The following SH3BP2 variants were observed in gnomAD, a reference collection of about 807,000 sequenced individuals.
The protein encoded by SH3BP2 is SH3 domain binding protein 2.
A neutral mutation model predicts 56.2 loss-of-function variants in SH3BP2; 38 were observed. The ratio of observed to expected loss-of-function variants is 0.68; its 90% CI spans 0.52 to 0.89. The LOEUF is 0.89. SH3BP2 is among the 40% of genes least tolerant of loss of function. The pLI is 0.00. For missense variants in SH3BP2, 748 were observed against 762.6 expected (o/e 0.98, Z 0.23); for synonymous variants, 346 against 316.7 (o/e 1.09, Z -0.98).
At chr4:2,799,739 C>T (rs1448772437) in intron 1 of SH3BP2, among the ~76,000 whole-genome samples, 1 of 152,210 alleles carries the variant, frequency 6.6e-6, no homozygotes, top group East Asian at 1.9e-4. Flanking sequence ...CCTGGCCCTT[C>T]CAGTACGAAG....
At chr4:2,799,918 G>T (rs1271509056) in intron 1 of SH3BP2, among the ~76,000 whole-genome samples, 1 of 152,202 alleles carries the variant, frequency 6.6e-6, no homozygotes, top group Non-Finnish European at 1.5e-5. Flanking sequence ...CGAGGGCCTG[G>T]TGGGGCTTCC....
At chr4:2,804,593 G>A (rs1723451928) in intron 1 of SH3BP2, among the ~76,000 whole-genome samples, 1 of 152,184 alleles carries the variant, frequency 6.6e-6, no homozygotes. Flanking sequence ...ACCCCACATG[G>A]CGTGGCCCAC....
rs762177276 is a variant in SH3BP2 at position 2,829,955 on chromosome 4, C to A, written c.1049C>A (p.Pro350Gln). ...SPRGPPTSEP[P>Q]PVPANKPKFL... The stretch of plus-strand genomic sequence containing the variant: ...CGAGGACCACCCACATCTGAGCCCC[C>A]ACCTGTGCCAGCCAACAAGCCCAAG... The change falls in exon 8 of 13, where the codon CCA (proline) becomes CAA (glutamine). Residue 350 changes from proline (P) to glutamine (Q), a missense_variant. This residue lies in a region of SH3BP2 where 635 missense variants were observed against 615.0 expected (regional missense o/e 1.03). Transcript: ENST00000503393. The surrounding 1 kb of genome is among the most constrained non-coding windows in gnomAD (Gnocchi z 4.9). 6.8e-6 allele frequency: 11 copies of A among 1,613,446 alleles called. No individual in the cohort carries two copies. Among genetic ancestry groups the A allele is most frequent in the East Asian group, 2.2e-5 (1 of 44,898 alleles).
Position 2,810,231 on chromosome 4 carries a change from T to C in SH3BP2, c.-4-10383T>C, listed in dbSNP as rs1040108695. Among the ~76,000 whole-genome samples, 1 of 151,936 alleles carries C rather than the reference T, an allele frequency of 6.6e-6. No individual in the cohort carries two copies. The highest frequency in any genetic ancestry group is 6.5e-5 in the Admixed American group (1 of 15,270). On this transcript the variant is annotated intron_variant, in intron 1 of 12. Coordinates refer to ENST00000503393, the MANE Select transcript of SH3BP2 (RefSeq NM_001122681.2). This position sits in a 1 kb window ranked among gnomAD's most constrained non-coding sequence, Gnocchi z 4.2. ...CAGCTCCAGCTTCCCTCTGGGAAGATAGGGTTGGGGAAGGGGCTGGTGTGG... is the reference window on the plus strand; with the variant it reads ...CAGCTCCAGCTTCCCTCTGGGAAGACAGGGTTGGGGAAGGGGCTGGTGTGG...
intron 1 of SH3BP2, among the ~76,000 whole-genome samples, chr4:2,797,988 A>G (rs756739476): frequency 1.3e-5 from 2 of 152,168 alleles, no homozygotes; most frequent in Non-Finnish European, 2.9e-5. Flanking sequence ...GGAGTTTCCA[A>G]TCAGATAATA....
At chr4:2,824,546 G>T (rs1001886551) in intron 3 of SH3BP2, 67 bp from the exon 4 acceptor site, 10 of 1,161,992 alleles carry the variant, frequency 8.6e-6, no homozygotes, top group Admixed American at 1.7e-5. Flanking sequence ...GTTCACAGGG[G>T]GGTGCTGTGG....
At chr4:2,815,852 T>C (rs1723971075) in intron 1 of SH3BP2, among the ~76,000 whole-genome samples, 1 of 152,068 alleles carries the variant, frequency 6.6e-6, no homozygotes, top group Admixed American at 6.5e-5. Context: ...CCAACTAGTG[T>C]GGTCAGTGTT....
chr4:2,809,708 G>A (rs1723669733), intron 1 of SH3BP2: 1 of 824,592 alleles, frequency 1.2e-6, no homozygotes, highest in Non-Finnish European at 1.5e-6. Flanking sequence ...TGTGCTGGGT[G>A]TTTGCCTTAC....
chr4:2,831,849 T>C lies in SH3BP2; in HGVS notation c.1351-74T>C. On this transcript the variant is annotated intron_variant, in intron 9 of 12. Coordinates refer to ENST00000503393, the MANE Select transcript of SH3BP2 (RefSeq NM_001122681.2). This position sits in a 1 kb window ranked among gnomAD's most constrained non-coding sequence, Gnocchi z 4.1. ...TAAAGCCCCGGATCCCGGCACCGGG[T>C]GGCCACCGTCCGGGGAGTGGTGGTG... 1 of 1,522,488 alleles carries C rather than the reference T, an allele frequency of 6.6e-7. No homozygotes were observed. Among genetic ancestry groups the C allele is most frequent in the South Asian group, 1.1e-5 (1 of 88,098 alleles). The allele number at this position is 1,522,488 out of a possible 1,614,324, so 94.3% of individuals were successfully genotyped here.
At chr4:2,832,708 G>A (rs1305669206) in intron 11 of SH3BP2, among the ~76,000 whole-genome samples, 1 of 152,226 alleles carries the variant, frequency 6.6e-6, no homozygotes, top group African/African-American at 2.4e-5. Flanking sequence ...GTCTGCCCGT[G>A]TCCCTCCGAG....
Position 2,836,789 on chromosome 4 carries a change from G to C in SH3BP2, c.*2955G>C, listed in dbSNP as rs1365587693. ...TGAGGGTGGGCTGGCAGGAGGCCTA[G>C]GCCTTGCCCTAGGGGCAGTCCTGCT... On this transcript the variant is annotated 3_prime_UTR_variant, in exon 13 of 13. Transcript: ENST00000503393. 1 of 152,276 alleles carries C rather than the reference G, an allele frequency of 6.6e-6. No individual in the cohort carries two copies. Among genetic ancestry groups the C allele is most frequent in the Non-Finnish European group, 1.5e-5 (1 of 68,068 alleles). 9.4% of individuals were successfully genotyped at this position (152,276 alleles called of 1,614,324 possible).
chr4:2,822,641 G>T (rs553499713), intron 2 of SH3BP2, among the ~76,000 whole-genome samples: 45 of 152,354 alleles, frequency 3.0e-4, no homozygotes, highest in African/African-American at 1.1e-3. Context: ...GCTCTGCCTT[G>T]CCTCATGCTG....
chr4:2,828,907 C>A (rs1452458245), intron 7 of SH3BP2, among the ~76,000 whole-genome samples: 1 of 152,196 alleles, frequency 6.6e-6, no homozygotes, highest in Non-Finnish European at 1.5e-5. Flanking sequence ...CCTGTGCTGG[C>A]CCCATGAGGG....
In SH3BP2 at chr4:2,812,489, G is replaced by A. The variant is rs192845507; in HGVS notation, c.-4-8125G>A. 1.4e-5 allele frequency: 22 copies of A among 1,548,378 alleles called. 1 individual carries two copies. The Middle Eastern group carries it at 6.7e-4, about 47-fold the overall frequency. ...GTCAGCACCATCAGGTCAGTGGGGC[G>A]GCCCCAGGACTGGGGCTCGGGAGGC... On this transcript the variant is annotated intron_variant, in intron 1 of 12. Coordinates refer to ENST00000503393, the MANE Select transcript of SH3BP2 (RefSeq NM_001122681.2).
chr4:2,824,857 G>A lies in SH3BP2; in HGVS notation c.357+127G>A, dbSNP rs1030169917. ...CCTCTCAGCCCCGGGCAAAGAGAAG[G>A]TGTGGCTGGGACACAGGCAGCTGGG... On this transcript the variant is annotated intron_variant, in intron 4 of 12. Transcript: ENST00000503393. The A allele has an allele frequency of 8.0e-5, 62 of 776,070 alleles. No individual in the cohort carries two copies. The Admixed American group carries it at 8.2e-4, about 10-fold the overall frequency. The allele number at this position is 776,070 out of a possible 1,614,324, so 48.1% of individuals were successfully genotyped here.
At chr4:2,823,095 G>C in intron 3 of SH3BP2, 58 bp downstream of exon 3, 1 of 1,272,190 alleles carries the variant, frequency 7.9e-7, no homozygotes, top group Non-Finnish European at 1.1e-6. Context: ...GTCCCTCCCA[G>C]CAGAGCCCCA....
intron 3 of SH3BP2, 25 bp from the exon 4 acceptor site, chr4:2,824,588 G>A (rs768387703): frequency 2.3e-5 from 37 of 1,575,814 alleles, no homozygotes; most frequent in Non-Finnish European, 2.9e-5. Context: ...GAACCAGGCC[G>A]TGACCCCTGG....
rs574115504 is a variant in SH3BP2 at position 2,831,375 on chromosome 4, G to T, written c.1242-196G>T. ...CCCTGACCCCTGACTCCGGTGTCGG[G>T]CGATTCCTGCTGTCCCAGGGCAGTC... On this transcript the variant is annotated intron_variant, in intron 8 of 12. Coordinates refer to ENST00000503393, the MANE Select transcript of SH3BP2 (RefSeq NM_001122681.2). The surrounding 1 kb of genome is among the most constrained non-coding windows in gnomAD (Gnocchi z 4.1). Among the ~76,000 whole-genome samples the T allele has an allele frequency of 6.6e-6, 1 of 152,296 alleles. No homozygotes were observed. The highest frequency in any genetic ancestry group is 2.4e-5 in the African/African-American group (1 of 41,560).
chr4:2,835,229 C>T lies in SH3BP2; in HGVS notation c.*1395C>T, dbSNP rs890378564. ...ACTGGGGGAGAAGGTCCTGCAGCCC[C>T]CTTCCCCTGGGTGTGTTCTGGGGAC... On this transcript the variant is annotated 3_prime_UTR_variant, in exon 13 of 13. Coordinates refer to ENST00000503393, the MANE Select transcript of SH3BP2 (RefSeq NM_001122681.2). 1 of 152,270 alleles carries T rather than the reference C, an allele frequency of 6.6e-6. No individual in the cohort carries two copies. The highest frequency in any genetic ancestry group is 1.5e-5 in the Non-Finnish European group (1 of 68,128). 9.4% of individuals were successfully genotyped at this position (152,270 alleles called of 1,614,324 possible). A position where few individuals can be genotyped will look rare whatever the true frequency, so the allele number is the denominator to read the frequency against.
Sources: gnomAD v4.1 joint callset for allele counts (sites outside exome capture counted in the v4.1 genomes callset) on GRCh38, gnomAD v4.1.1 for gene constraint, gnomAD v4.1.1 regional missense constraint, Gnocchi (gnomAD v3.1) non-coding constraint, MANE v1.5 for transcripts, NCBI Gene and HGNC (gene_info 2026-07-23, HGNC 2026-07-21) for gene names.